Variants in ZNF616 observed in about 807,000 individuals in gnomAD.
ZNF616 encodes the protein zinc finger protein 616.
ZNF616 carries 5 observed loss-of-function variants against 7.6 expected under a neutral mutation model. The observed-to-expected ratio is 0.66, with a 90% CI of 0.34 to 1.38. The LOEUF (loss-of-function observed/expected upper bound fraction) is 1.38. Among genes scored for constraint, ZNF616 ranks in the 40% most tolerant of loss-of-function variants. The probability of loss-of-function intolerance (pLI) is 0.04; values close to 1 mark genes in which losing one functional copy is unlikely to be tolerated. For synonymous variants in ZNF616, 319 were observed against 317.2 expected (o/e 1.01, Z -0.06); for missense variants, 913 against 948.3 (o/e 0.96, Z 0.49).
intron 1 of ZNF616, among the ~76,000 whole-genome samples, chr19:52,135,479 G>A (rs148056011): frequency 8.9e-4 from 135 of 152,190 alleles, no homozygotes; most frequent in African/African-American, 3.1e-3. Context: ...ATCTTAACTT[G>A]CCGCCCAAAA....
intron 1 of ZNF616, among the ~76,000 whole-genome samples, chr19:52,135,103 C>T (rs1401846847): frequency 7.2e-5 from 11 of 152,152 alleles, no homozygotes; most frequent in Non-Finnish European, 1.6e-4. Context: ...CCCTCCCTAA[C>T]GAAAGCCTTT....
chr19:52,115,923 C>T lies in ZNF616; in HGVS notation c.1241G>A (p.Cys414Tyr), dbSNP rs150409776. Reference protein sequence around the residue: ...TVEKPCKCNECGKVFSKRSSL... With the variant: ...TVEKPCKCNEYGKVFSKRSSL... Reference sequence around the variant, plus strand: ...TGAACGTTTACTGAAGACCTTGCCACATTCATTGCATTTGCAAGGTTTCTC... The same window carrying T: ...TGAACGTTTACTGAAGACCTTGCCATATTCATTGCATTTGCAAGGTTTCTC... The change falls in exon 4 of 4, where the codon TGT (cysteine) becomes TAT (tyrosine). Residue 414 changes from cysteine (C) to tyrosine (Y), a missense_variant. Transcript: ENST00000600228. 5.9e-5 allele frequency: 95 copies of T among 1,614,212 alleles called. No homozygotes were observed. In the African/African-American group the frequency reaches 1.2e-3, roughly 20 times the overall value.
At position 52,139,648 on chromosome 19, in the gene ZNF616, G is replaced by A. The variant is rs145230018; in HGVS notation, c.-77+84C>T. ...CGACCTGAATGGGGTTATCGACATG[G>A]TTATCTACATGGCAGAAAGGCAGGG... On this transcript the variant is annotated intron_variant, in intron 1 of 3. Coordinates refer to ENST00000600228, the MANE Select transcript of ZNF616 (RefSeq NM_178523.5). The surrounding 1 kb of genome is among the most constrained non-coding windows in gnomAD (Gnocchi z 4.1). The A allele has an allele frequency of 6.6e-6, 1 of 152,238 alleles. No individual in the cohort carries two copies. The highest frequency in any genetic ancestry group is 2.4e-5 in the African/African-American group (1 of 41,428). The allele number at this position is 152,238 out of a possible 1,614,324, so 9.4% of individuals were successfully genotyped here.
intron 1 of ZNF616, among the ~76,000 whole-genome samples, chr19:52,137,009 T>C (rs1404939438): frequency 6.7e-6 from 1 of 150,092 alleles, no homozygotes. Context: ...CATCCAGGAA[T>C]GAATATGTAA....
At chr19:52,128,741 C>CA (rs201369673) in intron 2 of ZNF616, among the ~76,000 whole-genome samples, 1,241 of 70,166 alleles carry the variant, frequency 0.018, 24 homozygotes, top group African/African-American at 0.058. Context: ...AACTCCGTCT[C>CA]AAAAAAAAAA....
chr19:52,121,471 C>A (rs1258858388), intron 3 of ZNF616, among the ~76,000 whole-genome samples: 3 of 152,004 alleles, frequency 2.0e-5, no homozygotes, highest in African/African-American at 7.3e-5. Context: ...TATCTCAAAA[C>A]AAAGGAAAAT....
chr19:52,121,987 CA>C (rs2088867686), intron 3 of ZNF616, among the ~76,000 whole-genome samples: 1 of 151,114 alleles, frequency 6.6e-6, no homozygotes, highest in Non-Finnish European at 1.5e-5. Flanking sequence ...CCTTGAAGTG[CA>C]AGAAATGGGC....
rs138487761 is a variant in ZNF616, at chr19:52,131,958, T to A, written c.-76-1370A>T. Reference sequence around the variant, plus strand: ...TCCAGGAATAGGAAAGAGGCCTGTGTGGCTGGAGCAGAGGGAGTGAGGAGG... The same window carrying A: ...TCCAGGAATAGGAAAGAGGCCTGTGAGGCTGGAGCAGAGGGAGTGAGGAGG... On this transcript the variant is annotated intron_variant, in intron 1 of 3. Transcript: ENST00000600228. Among the ~76,000 whole-genome samples, 22 of 152,146 alleles carry A rather than the reference T, an allele frequency of 1.4e-4. No homozygotes were observed. In the East Asian group the frequency reaches 3.9e-3, roughly 27 times the overall value.
In ZNF616 at chr19:52,115,419, C is replaced by T; in HGVS notation, c.1745G>A (p.Cys582Tyr). 6.2e-7 allele frequency: 1 copy of T among 1,614,066 alleles called. No individual in the cohort carries two copies. The highest frequency in any genetic ancestry group is 8.5e-7 in the Non-Finnish European group (1 of 1,180,036). The part of the protein sequence containing the change: ...SGEKPYKCNE[C>Y]GKVYSQYSHL... ...TGAATACTGACTGTAGACCTTGCCG[C>T]ATTCATTGCATTTGTAAGGTTTCTC... The change falls in exon 4 of 4, where the codon TGC becomes TAC. Residue 582 changes from cysteine (C) to tyrosine (Y), a missense_variant. Transcript: ENST00000600228.
Position 52,139,118 on chromosome 19 carries a change from C to T in ZNF616, c.-77+614G>A, listed in dbSNP as rs1464375300. Among the ~76,000 whole-genome samples the T allele has an allele frequency of 2.0e-5, 3 of 152,182 alleles. No homozygotes were observed. The highest frequency in any genetic ancestry group is 7.2e-5 in the African/African-American group (3 of 41,434). On this transcript the variant is annotated intron_variant, in intron 1 of 3. Transcript: ENST00000600228. This position sits in a 1 kb window ranked among gnomAD's most constrained non-coding sequence, Gnocchi z 4.1. ...TTGCCGTGTACTCATTCTTTTCTCC[C>T]CAGTTTTTCTTTCTGTCCCGTCGCT...
chr19:52,119,619 T>C (rs2088851573), intron 3 of ZNF616, among the ~76,000 whole-genome samples: 1 of 152,102 alleles, frequency 6.6e-6, no homozygotes, highest in Non-Finnish European at 1.5e-5. Flanking sequence ...GGGTTTGTGC[T>C]TGCAGAGCTG....
intron 3 of ZNF616, among the ~76,000 whole-genome samples, chr19:52,121,811 G>C (rs560962704): frequency 2.6e-5 from 4 of 152,078 alleles, no homozygotes; most frequent in Non-Finnish European, 4.4e-5. Context: ...ATTAATTCAA[G>C]ATGGATATAG....
chr19:52,136,790 T>A (rs2089012794), intron 1 of ZNF616, among the ~76,000 whole-genome samples: 1 of 152,018 alleles, frequency 6.6e-6, no homozygotes, highest in African/African-American at 2.4e-5. Flanking sequence ...AGGCCAGGTG[T>A]GGTAGTTCAT....
At position 52,139,507 on chromosome 19, in the gene ZNF616, G is replaced by A. The variant is rs1292066588; in HGVS notation, c.-77+225C>T. Among the ~76,000 whole-genome samples, 1 of 152,192 alleles carries A rather than the reference G, an allele frequency of 6.6e-6. No individual in the cohort carries two copies. Among genetic ancestry groups the A allele is most frequent in the Admixed American group, 6.5e-5 (1 of 15,286 alleles). On this transcript the variant is annotated intron_variant, in intron 1 of 3. Coordinates refer to ENST00000600228, the MANE Select transcript of ZNF616 (RefSeq NM_178523.5). This position sits in a 1 kb window ranked among gnomAD's most constrained non-coding sequence, Gnocchi z 4.1. Reference sequence around the variant, plus strand: ...GCTGGGCAGCGGGCGCTCCCCTCCAGGCGTCGACAAGGGCGAAGCTCGGGG... The same window carrying A: ...GCTGGGCAGCGGGCGCTCCCCTCCAAGCGTCGACAAGGGCGAAGCTCGGGG...
At position 52,123,944 on chromosome 19, in the gene ZNF616, A is replaced by G; in HGVS notation, c.118T>C (p.Tyr40His). ...ALYKDVMLEN[Y>H]RNLVFLGISP... is the part of the protein sequence containing the mutation. ...TCACCTAGGAAGACCAGGTTCCTAT[A>G]GTTCTCCAACATCACATCCTTGTAC... Residue 40 changes from tyrosine (Y) to histidine (H), a missense_variant, in exon 3 of 4, where the codon TAT (tyrosine) becomes CAT (histidine). Coordinates refer to ENST00000600228, the MANE Select transcript of ZNF616 (RefSeq NM_178523.5). 2 of 1,614,070 alleles carry G rather than the reference A, an allele frequency of 1.2e-6. No homozygotes were observed. The highest frequency in any genetic ancestry group is 1.1e-5 in the South Asian group (1 of 91,078).
chr19:52,116,804 A>G lies in ZNF616; in HGVS notation c.360T>C (p.Thr120=), dbSNP rs774914005. The change falls in exon 4 of 4, where the codon ACT becomes ACC. Residue 120 remains threonine (T), a synonymous_variant. Coordinates refer to ENST00000600228, the MANE Select transcript of ZNF616 (RefSeq NM_178523.5). ...CTTGACTATGTTGATCTCTTTTACC[A>G]GTAAGATTGTTTTCATGGGGCACTG... is the stretch of plus-strand genomic sequence containing the variant. ...EVPVPHENNL[T]GKRDQHSQGD... is the part of the protein sequence containing the mutation. The G allele has an allele frequency of 8.7e-6, 14 of 1,613,660 alleles. No individual in the cohort carries two copies. Among genetic ancestry groups the G allele is most frequent in the Non-Finnish European group, 1.1e-5 (13 of 1,179,842 alleles).
chr19:52,126,887 A>G (rs2088913280), intron 2 of ZNF616, among the ~76,000 whole-genome samples: 1 of 152,222 alleles, frequency 6.6e-6, no homozygotes, highest in Non-Finnish European at 1.5e-5. Context: ...AAATAATGTG[A>G]ATATATCTAA....
chr19:52,130,383 G>A (rs1330001530), intron 2 of ZNF616, 118 bp downstream of exon 2: 11 of 949,654 alleles, frequency 1.2e-5, no homozygotes, highest in Non-Finnish European at 1.7e-5. Context: ...AAATGTGTCA[G>A]GAAGGACACT....
At position 52,116,876 on chromosome 19, in the gene ZNF616, G is replaced by T; in HGVS notation, c.288C>A (p.Asp96Glu). 6.2e-7 allele frequency: 1 copy of T among 1,613,818 alleles called. No homozygotes were observed. Among genetic ancestry groups the T allele is most frequent in the Non-Finnish European group, 8.5e-7 (1 of 1,179,940 alleles). Residue 96 changes from aspartate to glutamate, a missense_variant, in exon 4 of 4, where the codon GAC becomes GAA. Coordinates refer to ENST00000600228, the MANE Select transcript of ZNF616 (RefSeq NM_178523.5). ...CACCATCTTTCCATTGAAATTCAAG[G>T]TCATGTAGATGTTTCTGTATTTCCC... ...YFREIQKHLH[D>E]LEFQWKDGET...
Sources: allele counts gnomAD v4.1 joint callset (sites outside exome capture counted in the v4.1 genomes callset), GRCh38; gene constraint gnomAD v4.1.1; non-coding constraint Gnocchi (gnomAD v3.1); transcripts MANE v1.5; gene names NCBI Gene and HGNC (gene_info 2026-07-23, HGNC 2026-07-21).